Variants in CYFIP1 observed in about 807,000 individuals in gnomAD.
CYFIP1 encodes cytoplasmic FMR1 interacting protein 1, also known as cytoplasmic FMR1-interacting protein 1.
In CYFIP1, 58 loss-of-function variants were observed where a neutral mutation model predicts 163.5. That is an observed-to-expected ratio of 0.35 (90% CI 0.29 to 0.44). The LOEUF is 0.44. CYFIP1 is among the 20% of genes least tolerant of loss of function. The pLI, the probability that CYFIP1 is intolerant of heterozygous loss-of-function variation, is 1.00. For missense variants in CYFIP1, 1,338 were observed against 1,653.8 expected, an observed-to-expected ratio of 0.81 and a Z score of 3.31; for synonymous variants, 663 against 660.7, an observed-to-expected ratio of 1.00 and a Z score of -0.05.
intron 11 of CYFIP1, among the ~76,000 whole-genome samples, chr15:22,928,532 C>T (rs1288240622): frequency 6.6e-6 from 1 of 152,326 alleles, no homozygotes; most frequent in African/African-American, 2.4e-5. Context: ...CAGGCCGCTG[C>T]CACAGCCACC....
chr15:22,968,461 C>T (rs1402139079), intron 1 of CYFIP1, among the ~76,000 whole-genome samples: 1 of 152,178 alleles, frequency 6.6e-6, no homozygotes, highest in South Asian at 2.1e-4. Flanking sequence ...AGCTTTTCCC[C>T]GGGTCTTTAG....
rs752812344 is a variant in CYFIP1, at chr15:22,947,078, A to G, written c.132T>C (p.Thr44=). Residue 44 remains threonine (T), a synonymous_variant, in exon 3 of 31, where the codon ACT becomes ACC. Transcript: ENST00000617928. ...CAAATGCATTTCTGTCTTCAAAGTT[A>G]GTGTTGAAATTTGGCTGAAGGAAAG... ...SSLLYQPNFN[T]NFEDRNAFVT... 5.0e-6 allele frequency: 8 copies of G among 1,614,028 alleles called. No individual in the cohort carries two copies. The Admixed American group carries it at 8.3e-5, about 17-fold the overall frequency.
chr15:22,939,438 G>C lies in CYFIP1; in HGVS notation c.639C>G (p.Phe213Leu). Reference sequence around the variant, plus strand: ...GTGTGATCTTGTTATGATTGGCCAGGAACATGGACAGATTCTGCGATTCCT... The same window carrying C: ...GTGTGATCTTGTTATGATTGGCCAGCAACATGGACAGATTCTGCGATTCCT... ...SIQESQNLSMFLANHNKITQS... is the reference protein window; with the variant it reads ...SIQESQNLSMLLANHNKITQS... Residue 213 changes from phenylalanine to leucine, a missense_variant, in exon 7 of 31, where the codon TTC (phenylalanine) becomes TTG (leucine). Phe to Leu is a conservative substitution (Grantham distance 22). Coordinates refer to ENST00000617928, the MANE Select transcript of CYFIP1 (RefSeq NM_014608.6). 1 of 1,613,474 alleles carries C rather than the reference G, an allele frequency of 6.2e-7. No individual in the cohort carries two copies. The highest frequency in any genetic ancestry group is 8.5e-7 in the Non-Finnish European group (1 of 1,179,936).
intron 22 of CYFIP1, 38 bp downstream of exon 22, chr15:22,903,668 G>T: frequency 6.2e-7 from 1 of 1,607,852 alleles, no homozygotes; most frequent in Non-Finnish European, 8.5e-7. Context: ...GTCCCTGAGC[G>T]CCTCGCCTGT....
intron 11 of CYFIP1, among the ~76,000 whole-genome samples, chr15:22,931,821 A>G (rs1450227813): frequency 6.6e-6 from 1 of 152,178 alleles, no homozygotes; most frequent in African/African-American, 2.4e-5. Flanking sequence ...CAGCATATAC[A>G]ACGGTGGTCC....
upstream of CYFIP1, among the ~76,000 whole-genome samples, chr15:22,980,831 A>C (rs2063462536): frequency 6.6e-6 from 1 of 151,640 alleles, no homozygotes; most frequent in African/African-American, 2.4e-5. Context: ...CGCGGGTCCC[A>C]GCTGCAGGTC....
Position 22,909,684 on chromosome 15 carries a change from T to C in CYFIP1, c.2269-371A>G, listed in dbSNP as rs564470300. On this transcript the variant is annotated intron_variant, in intron 20 of 30. Transcript: ENST00000617928. ...TTTTAGTTTTCCATATTTTACTAAC[T>C]AGTTTTGTGTGTGTAATGTAACATC... Among the ~76,000 whole-genome samples, 51 of 152,326 alleles carry C rather than the reference T, an allele frequency of 3.3e-4. No homozygotes were observed. The South Asian group carries it at 0.011, about 32-fold the overall frequency.
chr15:22,968,531 C>G lies in CYFIP1; in HGVS notation c.-7+11756G>C, dbSNP rs557183163. Among the ~76,000 whole-genome samples the G allele has an allele frequency of 2.5e-3, 377 of 152,288 alleles. 3 individuals are homozygous for G. The highest frequency in any genetic ancestry group is 8.6e-3 in the African/African-American group (358 of 41,562). On this transcript the variant is annotated intron_variant, in intron 1 of 30. Coordinates refer to ENST00000617928, the MANE Select transcript of CYFIP1 (RefSeq NM_014608.6). ...AGCCTCTACAATTGTGAGTCAGATCCTTAAAATAAATCTCTCTAGACGCAC... is the reference window on the plus strand; with the variant it reads ...AGCCTCTACAATTGTGAGTCAGATCGTTAAAATAAATCTCTCTAGACGCAC...
chr15:22,949,696 G>C (rs907303308), intron 1 of CYFIP1, among the ~76,000 whole-genome samples: 2 of 151,860 alleles, frequency 1.3e-5, no homozygotes, highest in Non-Finnish European at 2.9e-5. Flanking sequence ...ATATAAACAA[G>C]ACAACTGTAA....
chr15:22,979,844 G>A (rs546283962), intron 1 of CYFIP1, among the ~76,000 whole-genome samples: 3 of 152,258 alleles, frequency 2.0e-5, no homozygotes, highest in Non-Finnish European at 4.4e-5. Flanking sequence ...ATCTTGCTGC[G>A]CGACCTTAGT....
intron 1 of CYFIP1, among the ~76,000 whole-genome samples, chr15:22,950,126 A>C (rs1277249364): frequency 6.6e-6 from 1 of 152,200 alleles, no homozygotes; most frequent in African/African-American, 2.4e-5. Flanking sequence ...CAGATAATAA[A>C]ATGGTAGACC....
At chr15:22,970,137 A>T (rs964715344) in intron 1 of CYFIP1, among the ~76,000 whole-genome samples, 1 of 152,224 alleles carries the variant, frequency 6.6e-6, no homozygotes, top group Non-Finnish European at 1.5e-5. Context: ...TCCATGTACA[A>T]CAGCATCCAA....
chr15:22,868,931 A>T lies in CYFIP1; in HGVS notation c.*1097T>A, dbSNP rs995347327. 1.9e-5 allele frequency: 1 copy of T among 53,684 alleles called. No individual in the cohort carries two copies. Among genetic ancestry groups the T allele is most frequent in the African/African-American group, 1.1e-4 (1 of 9,256 alleles). The allele number at this position is 53,684 out of a possible 1,614,324, so 3.3% of individuals were successfully genotyped here. On this transcript the variant is annotated 3_prime_UTR_variant, in exon 31 of 31. Coordinates refer to ENST00000617928, the MANE Select transcript of CYFIP1 (RefSeq NM_014608.6). ...ATAAACAGGCATAGCATCTTTTTCC[A>T]TTCAGTTAGTTAGGATTTTCAGAAC...
Position 22,956,102 on chromosome 15 carries a change from G to A in CYFIP1, c.-6-8811C>T, listed in dbSNP as rs538248760. Among the ~76,000 whole-genome samples, 3 of 152,212 alleles carry A rather than the reference G, an allele frequency of 2.0e-5. No individual in the cohort carries two copies. The East Asian group carries it at 5.8e-4, about 29-fold the overall frequency. On this transcript the variant is annotated intron_variant, in intron 1 of 30. Transcript: ENST00000617928. ...GGTGCCTGTAATCCCAGCTACTTGGGAAACTGAGGCATGAGAATCACTTGA... is the reference window on the plus strand; with the variant it reads ...GGTGCCTGTAATCCCAGCTACTTGGAAAACTGAGGCATGAGAATCACTTGA...
intron 30 of CYFIP1, chr15:22,872,554 G>C (rs1047916271): frequency 4.6e-5 from 18 of 392,674 alleles, no homozygotes; most frequent in Non-Finnish European, 7.9e-5. Flanking sequence ...GAAGACTATA[G>C]TTGCCAATAT....
chr15:22,942,248 T>C (rs917618030), intron 6 of CYFIP1, among the ~76,000 whole-genome samples: 4 of 152,242 alleles, frequency 2.6e-5, no homozygotes, highest in Non-Finnish European at 5.9e-5. Flanking sequence ...GCAACAGTTG[T>C]ATGATTTAAA....
At chr15:22,945,480 T>C (rs1271469727) in intron 3 of CYFIP1, among the ~76,000 whole-genome samples, 3 of 152,230 alleles carry the variant, frequency 2.0e-5, no homozygotes, top group African/African-American at 7.2e-5. Context: ...GCTGTAAAAC[T>C]GCTTTTGCTT....
At chr15:22,956,400 A>T (rs184317060) in intron 1 of CYFIP1, among the ~76,000 whole-genome samples, 2 of 152,234 alleles carry the variant, frequency 1.3e-5, no homozygotes, top group Non-Finnish European at 2.9e-5. Flanking sequence ...AACAAATGGA[A>T]ATTAAAGCAG....
At chr15:22,923,127 CA>C (rs1431577893) in intron 13 of CYFIP1, among the ~76,000 whole-genome samples, 1 of 151,872 alleles carries the variant, frequency 6.6e-6, no homozygotes, top group African/African-American at 2.4e-5. Flanking sequence ...CAAACATAAT[CA>C]AAATTCAAAC....
Sources: allele counts gnomAD v4.1 joint callset (sites outside exome capture counted in the v4.1 genomes callset), GRCh38; gene constraint gnomAD v4.1.1; transcripts MANE v1.5; gene names NCBI Gene and HGNC (gene_info 2026-07-23, HGNC 2026-07-21).